Variants in APOLD1 observed in about 807,000 individuals in gnomAD.
APOLD1 encodes the protein apolipoprotein L domain-containing protein 1.
APOLD1 carries 22 observed loss-of-function variants against 15.3 expected under a neutral mutation model. That is an observed-to-expected ratio of 1.44 (90% CI 1.03 to 2.05). The LOEUF is 2.05. APOLD1 is among the 30% of genes most tolerant of loss of function. The pLI, the probability that APOLD1 is intolerant of heterozygous loss-of-function variation, is 0.00. For synonymous variants in APOLD1, 190 were observed against 167.4 expected (o/e 1.13, Z -1.04); for missense variants, 394 against 353.5 (o/e 1.11, Z -0.92).
At chr12:12,747,555 C>T (rs915934459) in intron 1 of APOLD1, among the ~76,000 whole-genome samples, 2 of 152,170 alleles carry the variant, frequency 1.3e-5, no homozygotes, top group African/African-American at 4.8e-5. Context: ...TGCTAGATCT[C>T]ATTCCGCAGC....
rs115928267 is a variant in APOLD1, at chr12:12,765,768, G to A, written c.97-21141G>A. Among the ~76,000 whole-genome samples the A allele has an allele frequency of 9.1e-4, 139 of 152,310 alleles. 1 individual carries two copies. Among genetic ancestry groups the A allele is most frequent in the African/African-American group, 3.3e-3 (137 of 41,574 alleles). On this transcript the variant is annotated intron_variant, in intron 1 of 1. Transcript: ENST00000326765. Reference sequence around the variant, plus strand: ...ACCTATAGTCCCAGCTTCTCAGGAGGCTGAGGTATTAGGATCTCTTGAGCC... The same window carrying A: ...ACCTATAGTCCCAGCTTCTCAGGAGACTGAGGTATTAGGATCTCTTGAGCC...
intron 1 of APOLD1, among the ~76,000 whole-genome samples, chr12:12,752,113 A>G (rs763902710): frequency 6.6e-6 from 1 of 152,166 alleles, no homozygotes. Flanking sequence ...AAGCATCTAT[A>G]TTTGTGGTAA....
At chr12:12,728,865 G>C (rs531186759) in intron 1 of APOLD1, among the ~76,000 whole-genome samples, 90 of 152,264 alleles carry the variant, frequency 5.9e-4, no homozygotes, top group African/African-American at 2.0e-3. Context: ...CTCATTCTAA[G>C]ATTGGGTCTC....
chr12:12,749,498 T>G (rs193071792), intron 1 of APOLD1, among the ~76,000 whole-genome samples: 3 of 152,338 alleles, frequency 2.0e-5, no homozygotes, highest in East Asian at 3.9e-4. Context: ...TCAGACTGAT[T>G]GCAGGCAGAG....
At chr12:12,736,370 CAA>C (rs202099965) in intron 1 of APOLD1, among the ~76,000 whole-genome samples, 1,903 of 68,358 alleles carry the variant, frequency 0.028, 40 homozygotes, top group African/African-American at 0.082. Flanking sequence ...CAAAACAAAA[CAA>C]AAAAACTAGC....
intron 1 of APOLD1, among the ~76,000 whole-genome samples, chr12:12,754,040 C>T (rs1946835656): frequency 6.6e-6 from 1 of 151,070 alleles, no homozygotes; most frequent in East Asian, 2.0e-4. Context: ...CATGGTGAAA[C>T]TTTGTCTGTA....
intron 1 of APOLD1, among the ~76,000 whole-genome samples, chr12:12,747,851 T>C (rs1414173743): frequency 6.6e-6 from 1 of 152,198 alleles, no homozygotes; most frequent in Admixed American, 6.5e-5. Context: ...TGGTGAGGGA[T>C]TGGCCTTGGC....
chr12:12,727,352 T>G (rs1946600909), intron 1 of APOLD1, among the ~76,000 whole-genome samples: 1 of 152,208 alleles, frequency 6.6e-6, no homozygotes, highest in Non-Finnish European at 1.5e-5. Flanking sequence ...TTAAAATGAA[T>G]TTCATCTATT....
At chr12:12,750,888 C>A (rs901636855) in intron 1 of APOLD1, among the ~76,000 whole-genome samples, 3 of 152,014 alleles carry the variant, frequency 2.0e-5, no homozygotes, top group Admixed American at 6.6e-5. Flanking sequence ...GATCCTCCCA[C>A]CTCAGCCTCG....
At chr12:12,751,089 C>A (rs1946809505) in intron 1 of APOLD1, among the ~76,000 whole-genome samples, 1 of 151,628 alleles carries the variant, frequency 6.6e-6, no homozygotes, top group Admixed American at 6.6e-5. Context: ...ACGCCTGGCC[C>A]CTGAAATATT....
intron 1 of APOLD1, among the ~76,000 whole-genome samples, chr12:12,780,429 A>C (rs1947070856): frequency 6.6e-6 from 1 of 151,744 alleles, no homozygotes; most frequent in South Asian, 2.1e-4. Context: ...CAGCCTCCCG[A>C]AGTGCTGGGA....
At chr12:12,742,273 T>C (rs1946733993) in intron 1 of APOLD1, among the ~76,000 whole-genome samples, 1 of 152,224 alleles carries the variant, frequency 6.6e-6, no homozygotes. Context: ...CCACTTTTTA[T>C]GGCAGGTTGC....
chr12:12,765,717 A>C (rs1167974020), intron 1 of APOLD1, among the ~76,000 whole-genome samples: 1 of 152,172 alleles, frequency 6.6e-6, no homozygotes, highest in Non-Finnish European at 1.5e-5. Context: ...CAAAAAATCA[A>C]AAATTAGCTG....
intron 1 of APOLD1, among the ~76,000 whole-genome samples, chr12:12,733,795 G>C (rs552102646): frequency 1.3e-5 from 2 of 152,082 alleles, no homozygotes; most frequent in South Asian, 4.1e-4. Flanking sequence ...GTAGAGACAG[G>C]GTTTCTCCAT....
chr12:12,746,527 A>ATAAATACATAAATACG (rs1946768243), intron 1 of APOLD1, among the ~76,000 whole-genome samples: 1 of 152,240 alleles, frequency 6.6e-6, no homozygotes, highest in South Asian at 2.1e-4. Flanking sequence ...ACATAAATAC[A>ATAAATACATAAATACG]TACATACATA....
intron 1 of APOLD1, among the ~76,000 whole-genome samples, chr12:12,735,346 C>T (rs1737322304): frequency 6.6e-6 from 1 of 152,120 alleles, no homozygotes; most frequent in African/African-American, 2.4e-5. Context: ...GGGCCCTGAC[C>T]TAGAGCGAGG....
upstream of APOLD1, among the ~76,000 whole-genome samples, chr12:12,782,804 G>A (rs555232339): frequency 8.3e-4 from 126 of 152,304 alleles, no homozygotes; most frequent in African/African-American, 2.9e-3. Context: ...GAAGTCTGAG[G>A]ATGTGGTCCA....
upstream of APOLD1, among the ~76,000 whole-genome samples, chr12:12,784,313 C>T (rs774946088): frequency 3.3e-5 from 5 of 152,286 alleles, no homozygotes; most frequent in African/African-American, 4.8e-5. Context: ...CTCCCCAATT[C>T]GCGCTGGCCC....
chr12:12,750,786 T>A (rs1178646652), intron 1 of APOLD1, among the ~76,000 whole-genome samples: 1 of 152,016 alleles, frequency 6.6e-6, no homozygotes, highest in African/African-American at 2.4e-5. Context: ...TTTTTTTTGT[T>A]TGTTTTGAGA....
Sources: allele counts gnomAD v4.1 joint callset (sites outside exome capture counted in the v4.1 genomes callset), GRCh38; gene constraint gnomAD v4.1.1; transcripts MANE v1.5; gene names NCBI Gene and HGNC (gene_info 2026-07-23, HGNC 2026-07-21).